SEC24C: variants seen among roughly 807,000 people sequenced by gnomAD.
SEC24C encodes the protein SEC24 homolog C, COPII component, also known as protein transport protein Sec24C.
SEC24C carries 22 observed loss-of-function variants against 117.0 expected under a neutral mutation model. The ratio of observed to expected loss-of-function variants is 0.19; its 90% CI spans 0.13 to 0.27. The LOEUF (loss-of-function observed/expected upper bound fraction) is 0.27, where lower values mean the gene tolerates loss of function less well. Among genes scored for constraint, SEC24C ranks in the 10% least tolerant of loss-of-function variants. The pLI is 1.00. For missense variants in SEC24C, 1,155 were observed against 1,375.1 expected, an observed-to-expected ratio of 0.84 and a Z score of 2.53; for synonymous variants, 506 against 529.4, an observed-to-expected ratio of 0.96 and a Z score of 0.61.
At position 73,760,369 on chromosome 10, in the gene SEC24C, A is replaced by G. The variant is rs746037105; in HGVS notation, c.833A>G (p.Tyr278Cys). ...PPMHSPQQPGYQPQQNGSFGP... is the reference protein window; with the variant it reads ...PPMHSPQQPGCQPQQNGSFGP... ...ATGCACTCCCCGCAGCAGCCAGGCT[A>G]TCAGCCCCAACAAAATGGTGAGTCT... The change falls in exon 5 of 23, where the codon TAT becomes TGT. Residue 278 changes from tyrosine (Y) to cysteine (C), a missense_variant. Around this residue, in one of 2 missense-constraint regions of SEC24C, gnomAD observed 396 missense variants for 382.8 expected, o/e 1.03. Coordinates refer to ENST00000345254, the MANE Select transcript of SEC24C (RefSeq NM_198597.3). 6.3e-7 allele frequency: 1 copy of G among 1,595,152 alleles called. No individual in the cohort carries two copies. The highest frequency in any genetic ancestry group is 1.7e-5 in the Admixed American group (1 of 59,530).
At chr10:73,763,741 GA>G in intron 7 of SEC24C, 114 bp from the exon 8 acceptor site, 3 of 1,152,698 alleles carry the variant, frequency 2.6e-6, no homozygotes, top group Non-Finnish European at 2.4e-6. Flanking sequence ...CCCTCTGGGG[GA>G]AAAAGCCACC....
chr10:73,758,975 T>G (rs2082753661), intron 3 of SEC24C, among the ~76,000 whole-genome samples: 1 of 152,130 alleles, frequency 6.6e-6, no homozygotes, highest in Admixed American at 6.5e-5. Context: ...GCGGGCAGAT[T>G]CGTTGAGCTC....
chr10:73,766,243 G>GCA, intron 11 of SEC24C, 33 bp downstream of exon 11: 2 of 1,598,776 alleles, frequency 1.3e-6, no homozygotes, highest in Non-Finnish European at 1.7e-6. Context: ...GTTTCCTGAG[G>GCA]TTAATGATAG....
Position 73,767,909 on chromosome 10 carries a change from G to C in SEC24C, c.2083G>C (p.Asp695His). The C allele has an allele frequency of 1.2e-6, 2 of 1,613,776 alleles. No homozygotes were observed. Among genetic ancestry groups the C allele is most frequent in the Non-Finnish European group, 1.7e-6 (2 of 1,179,916 alleles). The change falls in exon 15 of 23, where the codon GAT becomes CAT. Residue 695 changes from aspartate (D) to histidine (H), a missense_variant. Asp to His is a moderately conservative substitution (Grantham distance 81). Transcript: ENST00000345254. ...GTGTGTGGCCCAAGGCTGCTGTGTA[G>C]ATCTCTTTCTCTTCCCTAACCAGTA... ...KECVAQGCCV[D>H]LFLFPNQYVD...
chr10:73,756,724 C>A (rs918644294), intron 3 of SEC24C, among the ~76,000 whole-genome samples: 2 of 151,770 alleles, frequency 1.3e-5, no homozygotes, highest in African/African-American at 4.8e-5. Flanking sequence ...CCTCAGCCTC[C>A]CAAGTAGCTG....
In SEC24C at chr10:73,760,305, G is replaced by GGCACCCAGA. The variant is rs1483473895; in HGVS notation, c.770_778dup (p.Gln259_Met260insSerThrGln). ...TTCACCTCCTCAAGCTCTGCCCCCT[G>GGCACCCAGA]GCACCCAGATGACTGGGCCCCTGGG... On this transcript the variant is annotated inframe_insertion, in exon 5 of 23. Coordinates refer to ENST00000345254, the MANE Select transcript of SEC24C (RefSeq NM_198597.3). 1 of 1,613,244 alleles carries GGCACCCAGA rather than the reference G, an allele frequency of 6.2e-7. No homozygotes were observed. The highest frequency in any genetic ancestry group is 1.3e-5 in the African/African-American group (1 of 74,882).
In SEC24C at chr10:73,752,763, G is replaced by A. The variant is rs140921994; in HGVS notation, c.308+1520G>A. ...TGCTTGAGCTCACAAGTTGAAGGCT[G>A]CAGTGAGCCATGATTGTACTGCTGC... On this transcript the variant is annotated intron_variant, in intron 3 of 22. Coordinates refer to ENST00000345254, the MANE Select transcript of SEC24C (RefSeq NM_198597.3). Among the ~76,000 whole-genome samples the A allele has an allele frequency of 2.3e-3, 348 of 152,112 alleles. 1 individual carries two copies. The highest frequency in any genetic ancestry group is 4.3e-3 in the Non-Finnish European group (295 of 67,992).
chr10:73,765,904 G>A lies in SEC24C; in HGVS notation c.1471G>A (p.Asp491Asn). The change falls in exon 10 of 23, where the codon GAT becomes AAT. Residue 491 changes from aspartate to asparagine, a missense_variant. Transcript: ENST00000345254. Reference sequence around the variant, plus strand: ...CTCTTATGAATTCTTGGCCACTGTAGATTACTGCAAGGTGAGGGAAGGTAG... The same window carrying A: ...CTCTTATGAATTCTTGGCCACTGTAAATTACTGCAAGGTGAGGGAAGGTAG... ...LGSYEFLATV[D>N]YCKNNKFPSP... is the part of the protein sequence containing the mutation. The A allele has an allele frequency of 6.2e-7, 1 of 1,613,548 alleles. No individual in the cohort carries two copies. The highest frequency in any genetic ancestry group is 1.1e-5 in the South Asian group (1 of 91,062).
chr10:73,746,454 T>A (rs963978543), intron 1 of SEC24C, among the ~76,000 whole-genome samples: 8 of 152,324 alleles, frequency 5.3e-5, no homozygotes, highest in Middle Eastern at 6.8e-3. Flanking sequence ...TTCTTTCACC[T>A]GTAACATCAA....
At chr10:73,765,998 T>G (rs1288275053) in intron 10 of SEC24C, 83 bp downstream of exon 10, 4 of 1,588,550 alleles carry the variant, frequency 2.5e-6, no homozygotes, top group Non-Finnish European at 3.4e-6. Context: ...CCCTCACCCC[T>G]TTTTTGTCCC....
intron 6 of SEC24C, among the ~76,000 whole-genome samples, chr10:73,762,943 T>C (rs1334627497): frequency 2.6e-5 from 4 of 152,222 alleles, no homozygotes. Context: ...TAAGGCAGCA[T>C]CTGCTTCCTC....
chr10:73,757,993 T>C (rs2082737660), intron 3 of SEC24C, among the ~76,000 whole-genome samples: 1 of 144,702 alleles, frequency 6.9e-6, no homozygotes, highest in Admixed American at 7.1e-5. Flanking sequence ...CCCAGCACTT[T>C]GGGAGGTTGA....
At chr10:73,760,660 A>C in intron 5 of SEC24C, 53 bp from the exon 6 acceptor site, 1 of 1,519,902 alleles carries the variant, frequency 6.6e-7, no homozygotes, top group Non-Finnish European at 8.8e-7. Flanking sequence ...TGAGGCCTTA[A>C]GAAGAGATAG....
intron 3 of SEC24C, among the ~76,000 whole-genome samples, chr10:73,755,080 C>T (rs2082691166): frequency 2.0e-5 from 3 of 151,834 alleles, no homozygotes; most frequent in African/African-American, 2.4e-5. Context: ...TTGCAGTGAG[C>T]CGAAATCGCA....
In SEC24C at chr10:73,768,857, C is replaced by T. The variant is rs760671469; in HGVS notation, c.2229C>T (p.Val743=). The change falls in exon 16 of 23, where the codon GTC becomes GTT. Residue 743 remains valine (V), a synonymous_variant. Coordinates refer to ENST00000345254, the MANE Select transcript of SEC24C (RefSeq NM_198597.3). Reference sequence around the variant, plus strand: ...TCCTGAGTGACCTGCGTCGTGATGTCCAGAAGGTTGTTGGCTTTGATGCTG... The same window carrying T: ...TCCTGAGTGACCTGCGTCGTGATGTTCAGAAGGTTGTTGGCTTTGATGCTG... ...ERFLSDLRRD[V]QKVVGFDAVM... 7 of 1,613,880 alleles carry T rather than the reference C, an allele frequency of 4.3e-6. No individual in the cohort carries two copies. The Middle Eastern group carries it at 5.0e-4, about 115-fold the overall frequency.
At chr10:73,745,802 G>A (rs1021846710) in intron 1 of SEC24C, among the ~76,000 whole-genome samples, 3 of 151,808 alleles carry the variant, frequency 2.0e-5, no homozygotes, top group Non-Finnish European at 4.4e-5. Flanking sequence ...TGCCCGACTT[G>A]GCCTTCCAAA....
At chr10:73,770,888 A>G (rs1374215000) in intron 22 of SEC24C, 67 bp from the exon 23 acceptor site, 1 of 1,612,998 alleles carries the variant, frequency 6.2e-7, no homozygotes, top group Admixed American at 1.7e-5. Flanking sequence ...GTGACTGCCT[A>G]ATGAGATTTC....
At position 73,760,351 on chromosome 10, in the gene SEC24C, C is replaced by G; in HGVS notation, c.815C>G (p.Ser272Cys). Residue 272 changes from serine (S) to cysteine (C), a missense_variant, in exon 5 of 23, where the codon TCC becomes TGC. Around this residue, in one of 2 missense-constraint regions of SEC24C, gnomAD observed 396 missense variants for 382.8 expected, o/e 1.03. Transcript: ENST00000345254. ...CTGGGACCACTGCCACCTATGCACTCCCCGCAGCAGCCAGGCTATCAGCCC... is the reference window on the plus strand; with the variant it reads ...CTGGGACCACTGCCACCTATGCACTGCCCGCAGCAGCCAGGCTATCAGCCC... ...GPLGPLPPMH[S>C]PQQPGYQPQQ... The G allele has an allele frequency of 1.2e-6, 2 of 1,605,128 alleles. No individual in the cohort carries two copies. Among genetic ancestry groups the G allele is most frequent in the Non-Finnish European group, 1.7e-6 (2 of 1,177,142 alleles).
chr10:73,769,463 C>A lies in SEC24C; in HGVS notation c.2541C>A (p.Leu847=). The change falls in exon 18 of 23, where the codon CTC becomes CTA. Residue 847 remains leucine (L), a synonymous_variant. Transcript: ENST00000345254. This position sits in a 1 kb window ranked among gnomAD's most constrained non-coding sequence, Gnocchi z 4.5. ...DLYRNCETDT[L]INYMAKFAYR... ...ATCGAAACTGTGAGACTGACACGCT[C>A]ATCAACTACATGGCCAAGTTTGGTG... 1 of 1,614,136 alleles carries A rather than the reference C, an allele frequency of 6.2e-7. No homozygotes were observed. The highest frequency in any genetic ancestry group is 1.1e-5 in the South Asian group (1 of 91,062).
Sources: allele counts gnomAD v4.1 joint callset (sites outside exome capture counted in the v4.1 genomes callset), GRCh38; gene constraint gnomAD v4.1.1; regional missense constraint gnomAD v4.1.1; non-coding constraint Gnocchi (gnomAD v3.1); transcripts MANE v1.5; gene names NCBI Gene and HGNC (gene_info 2026-07-23, HGNC 2026-07-21).